The following RALGAPA1 variants were observed in gnomAD, a reference collection of about 807,000 sequenced individuals.
RALGAPA1 encodes the protein Ral GTPase activating protein catalytic subunit alpha 1.
A neutral mutation model predicts 269.6 loss-of-function variants in RALGAPA1; 52 were observed. The ratio of observed to expected loss-of-function variants is 0.19; its 90% CI spans 0.15 to 0.24. The LOEUF (loss-of-function observed/expected upper bound fraction) is 0.24, where lower values mean the gene tolerates loss of function less well. Ranked by LOEUF, RALGAPA1 falls within the 10% of genes least tolerant of loss-of-function variation. The pLI is 1.00. For missense variants in RALGAPA1, 1,917 were observed against 3,013.9 expected, an observed-to-expected ratio of 0.64 and a Z score of 8.52; for synonymous variants, 817 against 1,008.3, an observed-to-expected ratio of 0.81 and a Z score of 3.60.
chr14:35,725,388 T>C (rs1466201766), intron 13 of RALGAPA1, among the ~76,000 whole-genome samples: 1 of 152,124 alleles, frequency 6.6e-6, no homozygotes, highest in African/African-American at 2.4e-5. Context: ...AATAAAAACC[T>C]ATTCAAAAGC....
At chr14:35,780,004 G>A (rs938935964) in intron 1 of RALGAPA1, among the ~76,000 whole-genome samples, 3 of 152,064 alleles carry the variant, frequency 2.0e-5, no homozygotes, top group Non-Finnish European at 2.9e-5. Context: ...CTACCAGGGA[G>A]GCTGAAGCAG....
intron 6 of RALGAPA1, among the ~76,000 whole-genome samples, chr14:35,759,849 T>C (rs1246896219): frequency 6.6e-6 from 1 of 150,896 alleles, no homozygotes. Flanking sequence ...GAGGCAGAGG[T>C]TGCAGTGAGC....
chr14:35,782,557 C>T (rs1028324086), intron 1 of RALGAPA1, among the ~76,000 whole-genome samples: 3 of 152,102 alleles, frequency 2.0e-5, no homozygotes, highest in African/African-American at 4.8e-5. Flanking sequence ...CCTCAGCATC[C>T]AGAGTAGCTG....
At chr14:35,644,150 C>T (rs1425500224) in intron 31 of RALGAPA1, among the ~76,000 whole-genome samples, 1 of 152,076 alleles carries the variant, frequency 6.6e-6, no homozygotes, top group Non-Finnish European at 1.5e-5. Flanking sequence ...CCATGCACTC[C>T]ATAAATATAT....
intron 1 of RALGAPA1, among the ~76,000 whole-genome samples, chr14:35,799,691 G>A (rs2076837189): frequency 6.6e-6 from 1 of 151,944 alleles, no homozygotes; most frequent in Non-Finnish European, 1.5e-5. Context: ...AGGGTACTAA[G>A]GAACAGACAG....
At chr14:35,704,526 A>G (rs1470179809) in intron 16 of RALGAPA1, among the ~76,000 whole-genome samples, 2 of 152,168 alleles carry the variant, frequency 1.3e-5, no homozygotes, top group Non-Finnish European at 2.9e-5. Flanking sequence ...AAAAAACAAA[A>G]AAATTCTCTT....
intron 32 of RALGAPA1, among the ~76,000 whole-genome samples, chr14:35,635,119 C>T (rs1231357058): frequency 2.0e-5 from 3 of 151,392 alleles, no homozygotes; most frequent in African/African-American, 4.9e-5. Context: ...TGCAGTGAGC[C>T]GAGATTGAGC....
intron 41 of RALGAPA1, among the ~76,000 whole-genome samples, chr14:35,543,076 G>A (rs1399373455): frequency 3.9e-5 from 6 of 152,174 alleles, no homozygotes; most frequent in Non-Finnish European, 8.8e-5. Flanking sequence ...CAGCGACGAT[G>A]TGATTTGTTA....
intron 17 of RALGAPA1, among the ~76,000 whole-genome samples, chr14:35,692,692 A>C (rs1054272981): frequency 6.6e-6 from 1 of 151,988 alleles, no homozygotes; most frequent in Non-Finnish European, 1.5e-5. Context: ...GCACATAATA[A>C]TACTAACTAC....
At chr14:35,794,199 G>A (rs912294213) in intron 1 of RALGAPA1, among the ~76,000 whole-genome samples, 5 of 152,082 alleles carry the variant, frequency 3.3e-5, no homozygotes, top group Non-Finnish European at 7.4e-5. Context: ...GTTTGGCTGC[G>A]CACAGTGGCT....
chr14:35,732,027 C>CA (rs922868019), intron 12 of RALGAPA1, among the ~76,000 whole-genome samples: 5 of 152,270 alleles, frequency 3.3e-5, no homozygotes, highest in Admixed American at 3.3e-4. Flanking sequence ...GTCAGATTAA[C>CA]AGAGATTTTT....
intron 12 of RALGAPA1, among the ~76,000 whole-genome samples, chr14:35,733,468 ACT>A (rs1420214366): frequency 6.6e-6 from 1 of 152,044 alleles, no homozygotes; most frequent in East Asian, 1.9e-4. Flanking sequence ...CAAGAGTGAA[ACT>A]CTGTCTCAAA....
At chr14:35,692,702 C>A (rs2066590310) in intron 17 of RALGAPA1, among the ~76,000 whole-genome samples, 1 of 151,674 alleles carries the variant, frequency 6.6e-6, no homozygotes, top group African/African-American at 2.4e-5. Flanking sequence ...ATACTAACTA[C>A]ATAAAATCAA....
intron 12 of RALGAPA1, among the ~76,000 whole-genome samples, chr14:35,734,868 G>A (rs796404631): frequency 2.6e-5 from 4 of 151,670 alleles, no homozygotes; most frequent in East Asian, 1.9e-4. Context: ...AAAAACAAAC[G>A]ATCCCATCAA....
At position 35,689,335 on chromosome 14, in the gene RALGAPA1, CT is replaced by C. The variant is rs2066274089; in HGVS notation, c.3075del (p.Asp1026ThrfsTer15). On this transcript the variant is annotated frameshift_variant, in exon 18 of 42. Coordinates refer to ENST00000680220, the MANE Select transcript of RALGAPA1 (RefSeq NM_001346249.2). LOFTEE classifies it high-confidence loss of function. ...GAAGTTTGTGTTCTAAAAAAACTGTCTGACTGGTTAGGTGCGATATTACTCA... is the reference window on the plus strand; with the variant it reads ...GAAGTTTGTGTTCTAAAAAAACTGTCGACTGGTTAGGTGCGATATTACTCA... Reference protein sequence around the residue: ...VFMSNIAPNQSDSFFRTQTSE... With the variant: ...VFMSNIAPNQXDSFFRTQTSE... The C allele has an allele frequency of 8.1e-7, 1 of 1,232,032 alleles. No individual in the cohort carries two copies. The allele number at this position is 1,232,032 out of a possible 1,614,324, so 76.3% of individuals were successfully genotyped here.
chr14:35,550,124 G>A (rs1231475361), intron 39 of RALGAPA1, among the ~76,000 whole-genome samples: 1 of 152,184 alleles, frequency 6.6e-6, no homozygotes, highest in Non-Finnish European at 1.5e-5. Context: ...GGGCGAGAAA[G>A]AGAGAGAATA....
intron 15 of RALGAPA1, 141 bp downstream of exon 15, chr14:35,722,886 C>T: frequency 2.0e-6 from 1 of 497,222 alleles, no homozygotes; most frequent in Non-Finnish European, 3.6e-6. Context: ...GTATTTTATA[C>T]ATTTTCATTT....
chr14:35,766,778 A>T, intron 4 of RALGAPA1: 1 of 514,430 alleles, frequency 1.9e-6, no homozygotes, highest in Non-Finnish European at 3.9e-6. Context: ...ACTCTGGAGT[A>T]TGCTAACTCC....
intron 1 of RALGAPA1, among the ~76,000 whole-genome samples, chr14:35,790,458 C>A (rs772228630): frequency 1.3e-5 from 2 of 151,652 alleles, no homozygotes; most frequent in Non-Finnish European, 2.9e-5. Flanking sequence ...GAGGCCAAGG[C>A]GGGCGGATCA....
Sources: gnomAD v4.1 joint callset for allele counts (sites outside exome capture counted in the v4.1 genomes callset) on GRCh38, gnomAD v4.1.1 for gene constraint, MANE v1.5 for transcripts, NCBI Gene and HGNC (gene_info 2026-07-23, HGNC 2026-07-21) for gene names.